The following TENM3 variants were observed in gnomAD, a reference collection of about 807,000 sequenced individuals.
TENM3 encodes the protein teneurin transmembrane protein 3.
A neutral mutation model predicts 255.1 loss-of-function variants in TENM3; 63 were observed. The observed-to-expected ratio is 0.25, with a 90% CI of 0.20 to 0.30. The LOEUF (loss-of-function observed/expected upper bound fraction) is 0.30. Among genes scored for constraint, TENM3 ranks in the 10% least tolerant of loss-of-function variants. TENM3 has a pLI of 1.00. For synonymous variants in TENM3, 1,306 were observed against 1,322.3 expected, an observed-to-expected ratio of 0.99 and a Z score of 0.27; for missense variants, 2,929 against 3,461.1, an observed-to-expected ratio of 0.85 and a Z score of 3.86.
chr4:181,523,872 C>A, the TENM3 span, among the ~76,000 whole-genome samples: 4 of 152,186 alleles, frequency 2.6e-5, no homozygotes, highest in African/African-American at 7.2e-5. Context: ...AGGATTCAAA[C>A]AGTAGCATAC....
chr4:181,713,701 T>A, the TENM3 span, among the ~76,000 whole-genome samples: 3 of 152,292 alleles, frequency 2.0e-5, no homozygotes, highest in South Asian at 6.2e-4. Context: ...GTAGACTAGA[T>A]ATCCCTATAC....
the TENM3 span, among the ~76,000 whole-genome samples, chr4:181,649,028 T>C: frequency 6.6e-6 from 1 of 152,184 alleles, no homozygotes; most frequent in Non-Finnish European, 1.5e-5. Context: ...AAAATATTGT[T>C]ATTATTATTA....
At chr4:181,598,386 C>G in the TENM3 span, among the ~76,000 whole-genome samples, 5 of 152,158 alleles carry the variant, frequency 3.3e-5, no homozygotes, top group Non-Finnish European at 7.4e-5. Context: ...AGTGGTTGAC[C>G]ACCTTCCTCA....
At chr4:182,414,306 T>C (rs540926801) in intron 3 of TENM3, among the ~76,000 whole-genome samples, 1 of 152,342 alleles carries the variant, frequency 6.6e-6, no homozygotes, top group East Asian at 1.9e-4. Context: ...TCATGTTCTC[T>C]GCTCTCTGTG....
intron 3 of TENM3, among the ~76,000 whole-genome samples, chr4:182,545,249 G>C (rs191376545): frequency 6.6e-6 from 1 of 152,134 alleles, no homozygotes; most frequent in South Asian, 2.1e-4. Flanking sequence ...GTCTGTTTGC[G>C]TGGAAAGACG....
the TENM3 span, among the ~76,000 whole-genome samples, chr4:181,536,425 G>A: frequency 1.3e-5 from 2 of 152,230 alleles, no homozygotes; most frequent in African/African-American, 4.8e-5. Flanking sequence ...CTCCAAGAGA[G>A]GAGCATTCTA....
chr4:182,406,048 G>A (rs1336786810), intron 3 of TENM3, among the ~76,000 whole-genome samples: 2 of 152,204 alleles, frequency 1.3e-5, no homozygotes, highest in African/African-American at 4.8e-5. Context: ...GTTCACGCCT[G>A]TAATCCCACC....
chr4:181,848,631 G>C, the TENM3 span, among the ~76,000 whole-genome samples: 1 of 151,890 alleles, frequency 6.6e-6, no homozygotes, highest in Non-Finnish European at 1.5e-5. Flanking sequence ...GAATACTAAA[G>C]GTTTTTAGAT....
At chr4:182,518,538 C>T (rs1738234071) in intron 3 of TENM3, among the ~76,000 whole-genome samples, 1 of 152,042 alleles carries the variant, frequency 6.6e-6, no homozygotes, top group African/African-American at 2.4e-5. Flanking sequence ...TAGCAAACTG[C>T]TGTGTTATGA....
At chr4:181,470,163 TAAAC>T in the TENM3 span, among the ~76,000 whole-genome samples, 1 of 150,360 alleles carries the variant, frequency 6.7e-6, no homozygotes, top group Admixed American at 6.6e-5. Context: ...ACTGATGTTT[TAAAC>T]AAAGTATTGT....
At chr4:181,859,131 A>G in the TENM3 span, among the ~76,000 whole-genome samples, 1 of 151,200 alleles carries the variant, frequency 6.6e-6, no homozygotes, top group African/African-American at 2.4e-5. Flanking sequence ...AGTCCCAGCT[A>G]CTAAAGGAGA....
At chr4:182,271,064 C>T (rs552500280) in intron 1 of TENM3, among the ~76,000 whole-genome samples, 19 of 152,272 alleles carry the variant, frequency 1.2e-4, no homozygotes, top group African/African-American at 4.3e-4. Context: ...CTGTGGAACC[C>T]GTGTTCTCTT....
At chr4:181,744,216 G>A in the TENM3 span, among the ~76,000 whole-genome samples, 1 of 152,158 alleles carries the variant, frequency 6.6e-6, no homozygotes, top group African/African-American at 2.4e-5. Flanking sequence ...TCTTTATGCA[G>A]TCCATTAGTG....
the TENM3 span, among the ~76,000 whole-genome samples, chr4:181,885,421 C>A: frequency 1.3e-5 from 2 of 152,118 alleles, no homozygotes; most frequent in South Asian, 4.1e-4. Flanking sequence ...CACCACCACA[C>A]CCGGCTAATT....
the TENM3 span, among the ~76,000 whole-genome samples, chr4:181,549,872 G>A: frequency 6.6e-6 from 1 of 152,176 alleles, no homozygotes; most frequent in Admixed American, 6.5e-5. Flanking sequence ...TATCTTTTCA[G>A]CACTGAATTT....
chr4:182,562,283 A>T (rs1350148950), intron 3 of TENM3, among the ~76,000 whole-genome samples: 1 of 152,148 alleles, frequency 6.6e-6, no homozygotes, highest in African/African-American at 2.4e-5. Context: ...AGAGTTTCTT[A>T]TTAACTTATC....
chr4:182,680,643 C>T lies in TENM3; in HGVS notation c.1740C>T (p.Thr580=), dbSNP rs1202059420. Residue 580 remains threonine, a synonymous_variant, in exon 10 of 28, where the codon ACC becomes ACT. Coordinates refer to ENST00000511685, the MANE Select transcript of TENM3 (RefSeq NM_001080477.4). ...WKGTECDVPT[T]QCIDPQCGGR... is the part of the protein sequence containing the mutation. ...GCACCGAGTGTGATGTGCCGACTACCCAGTGTATTGACCCACAGTGTGGGG... is the reference window on the plus strand; with the variant it reads ...GCACCGAGTGTGATGTGCCGACTACTCAGTGTATTGACCCACAGTGTGGGG... 1 of 1,613,190 alleles carries T rather than the reference C, an allele frequency of 6.2e-7. No individual in the cohort carries two copies. Among genetic ancestry groups the T allele is most frequent in the Non-Finnish European group, 8.5e-7 (1 of 1,179,720 alleles).
chr4:181,895,518 T>A, the TENM3 span, among the ~76,000 whole-genome samples: 4 of 146,726 alleles, frequency 2.7e-5, no homozygotes, highest in Non-Finnish European at 6.0e-5. Context: ...TCTGTGCAAC[T>A]TTCTATCTGG....
intron 3 of TENM3, among the ~76,000 whole-genome samples, chr4:182,534,674 C>T (rs1740116953): frequency 6.6e-6 from 1 of 152,082 alleles, no homozygotes; most frequent in African/African-American, 2.4e-5. Context: ...AAGCAAATTG[C>T]CTAAGGATTC....
Sources: gnomAD v4.1 joint callset for allele counts (sites outside exome capture counted in the v4.1 genomes callset) on GRCh38, gnomAD v4.1.1 for gene constraint, MANE v1.5 for transcripts, NCBI Gene and HGNC (gene_info 2026-07-23, HGNC 2026-07-21) for gene names.